ATF6: variants seen among roughly 807,000 people sequenced by gnomAD.
ATF6 encodes cyclic AMP-dependent transcription factor ATF-6 alpha.
In ATF6, 53 loss-of-function variants were observed where a neutral mutation model predicts 83.6. The observed-to-expected ratio is 0.63, with a 90% CI of 0.51 to 0.80. The LOEUF (loss-of-function observed/expected upper bound fraction) is 0.80. Among genes scored for constraint, ATF6 ranks in the 30% least tolerant of loss-of-function variants. The pLI is 0.00. For synonymous variants in ATF6, 288 were observed against 285.8 expected, an observed-to-expected ratio of 1.01 and a Z score of -0.08; for missense variants, 744 against 797.9, an observed-to-expected ratio of 0.93 and a Z score of 0.81.
intron 15 of ATF6, among the ~76,000 whole-genome samples, chr1:161,951,526 G>A (rs780034880): frequency 1.3e-5 from 2 of 152,214 alleles, no homozygotes; most frequent in African/African-American, 2.4e-5. Context: ...CTTTGGGCAT[G>A]TAGTGGTGAA....
At chr1:161,938,637 G>A (rs1288034094) in intron 15 of ATF6, among the ~76,000 whole-genome samples, 1 of 152,134 alleles carries the variant, frequency 6.6e-6, no homozygotes, top group Non-Finnish European at 1.5e-5. Flanking sequence ...ATTTCCAAAT[G>A]AGTTCCATAA....
At chr1:161,822,332 C>G (rs1175865819) in intron 9 of ATF6, among the ~76,000 whole-genome samples, 1 of 151,996 alleles carries the variant, frequency 6.6e-6, no homozygotes. Context: ...AAGAAAGTAG[C>G]TTTTTGAAGC....
At chr1:161,862,810 A>G (rs1686912153) in intron 13 of ATF6, among the ~76,000 whole-genome samples, 1 of 152,160 alleles carries the variant, frequency 6.6e-6, no homozygotes, top group African/African-American at 2.4e-5. Flanking sequence ...ATACCTTCAT[A>G]TATTCGACAG....
chr1:161,928,554 A>G (rs1688366181), intron 15 of ATF6, among the ~76,000 whole-genome samples: 1 of 152,126 alleles, frequency 6.6e-6, no homozygotes, highest in Non-Finnish European at 1.5e-5. Context: ...CATTCCATCC[A>G]AATTTAGCAG....
intron 9 of ATF6, among the ~76,000 whole-genome samples, chr1:161,823,330 A>C (rs1305248913): frequency 6.6e-6 from 1 of 152,118 alleles, no homozygotes; most frequent in African/African-American, 2.4e-5. Context: ...TTTTGTAAAA[A>C]TATTTTTTTT....
At chr1:161,870,244 T>C (rs1019558489) in intron 14 of ATF6, among the ~76,000 whole-genome samples, 1 of 151,856 alleles carries the variant, frequency 6.6e-6, no homozygotes, top group Non-Finnish European at 1.5e-5. Context: ...TTAATTATAA[T>C]TATAGATTAA....
At chr1:161,815,491 C>T (rs984424638) in intron 7 of ATF6, among the ~76,000 whole-genome samples, 1 of 151,724 alleles carries the variant, frequency 6.6e-6, no homozygotes, top group African/African-American at 2.4e-5. Context: ...ACTACTGGCT[C>T]CTATCTAGTA....
chr1:161,825,386 C>T (rs1323099437), intron 9 of ATF6, among the ~76,000 whole-genome samples: 3 of 152,166 alleles, frequency 2.0e-5, no homozygotes, highest in African/African-American at 7.2e-5. Flanking sequence ...CACAGGCTCC[C>T]ACAGGTTAAG....
chr1:161,771,216 CCTCCTTT>C (rs1041629916), intron 1 of ATF6, among the ~76,000 whole-genome samples: 10 of 152,070 alleles, frequency 6.6e-5, no homozygotes, highest in African/African-American at 1.2e-4. Context: ...CCCTCCTCCT[CCTCCTTT>C]CTCCTTTCTC....
intron 14 of ATF6, among the ~76,000 whole-genome samples, chr1:161,908,847 T>C (rs991492952): frequency 6.6e-6 from 1 of 152,174 alleles, no homozygotes. Flanking sequence ...AAATACAAAT[T>C]CATCAAATTT....
intron 9 of ATF6, among the ~76,000 whole-genome samples, chr1:161,843,509 C>T (rs1195628269): frequency 6.6e-6 from 1 of 152,148 alleles, no homozygotes; most frequent in Non-Finnish European, 1.5e-5. Context: ...GAATTCCAAT[C>T]CTGAATCCAA....
At chr1:161,878,804 T>TA (rs986312642) in intron 14 of ATF6, among the ~76,000 whole-genome samples, 2 of 152,166 alleles carry the variant, frequency 1.3e-5, no homozygotes, top group Non-Finnish European at 2.9e-5. Flanking sequence ...AAGTCACTGA[T>TA]ACACTTGACA....
intron 15 of ATF6, among the ~76,000 whole-genome samples, chr1:161,951,899 A>ATCC (rs1688871245): frequency 6.6e-6 from 1 of 152,064 alleles, no homozygotes; most frequent in Admixed American, 6.6e-5. Context: ...CCTTTAGGCA[A>ATCC]TCCTCCCTCT....
intron 14 of ATF6, among the ~76,000 whole-genome samples, chr1:161,872,061 A>G (rs1001843977): frequency 6.6e-6 from 1 of 151,674 alleles, no homozygotes; most frequent in African/African-American, 2.4e-5. Flanking sequence ...TTTATTTAAT[A>G]ACACTTATAC....
Position 161,783,981 on chromosome 1 carries a change from G to T in ATF6, c.248-9G>T, listed in dbSNP as rs373774181. On this transcript the variant is annotated splice_polypyrimidine_tract_variant and intron_variant, in intron 3 of 15. Coordinates refer to ENST00000367942, the MANE Select transcript of ATF6 (RefSeq NM_007348.4). Reference sequence around the variant, plus strand: ...CCAGTGGGTAAAACCTTTCCTCCATGTTTTCCAGTTAAAGATATTAAGGCA... The same window carrying T: ...CCAGTGGGTAAAACCTTTCCTCCATTTTTTCCAGTTAAAGATATTAAGGCA... The T allele has an allele frequency of 3.2e-6, 5 of 1,581,382 alleles. No homozygotes were observed. The highest frequency in any genetic ancestry group is 3.5e-6 in the Non-Finnish European group (4 of 1,151,618).
intron 1 of ATF6, among the ~76,000 whole-genome samples, chr1:161,775,817 A>G (rs561628416): frequency 6.6e-6 from 1 of 152,264 alleles, no homozygotes; most frequent in East Asian, 1.9e-4. Flanking sequence ...CTGGTCACCC[A>G]GTATTTTCAT....
At chr1:161,910,907 A>G (rs1252898608) in intron 14 of ATF6, among the ~76,000 whole-genome samples, 1 of 152,216 alleles carries the variant, frequency 6.6e-6, no homozygotes, top group African/African-American at 2.4e-5. Context: ...CCCAATTTTT[A>G]AAAACATGTT....
chr1:161,806,959 A>C (rs1685298119), intron 7 of ATF6, among the ~76,000 whole-genome samples: 1 of 152,164 alleles, frequency 6.6e-6, no homozygotes, highest in Non-Finnish European at 1.5e-5. Flanking sequence ...GATGCCCTGC[A>C]CACAGTGTTC....
chr1:161,801,840 A>G (rs1685155602), intron 6 of ATF6, among the ~76,000 whole-genome samples: 1 of 152,194 alleles, frequency 6.6e-6, no homozygotes, highest in African/African-American at 2.4e-5. Context: ...GTTAATGATA[A>G]CTCAAAGAGA....
Sources: allele counts gnomAD v4.1 joint callset (sites outside exome capture counted in the v4.1 genomes callset), GRCh38; gene constraint gnomAD v4.1.1; transcripts MANE v1.5; gene names NCBI Gene and HGNC (gene_info 2026-07-23, HGNC 2026-07-21).